The following C14orf39 variants were observed in gnomAD, a reference collection of about 807,000 sequenced individuals.
C14orf39 encodes the protein chromosome 14 open reading frame 39.
In C14orf39, 66 loss-of-function variants were observed where a neutral mutation model predicts 85.6. That is an observed-to-expected ratio of 0.77 (90% CI 0.63 to 0.95). C14orf39 has a LOEUF of 0.95. Among genes scored for constraint, C14orf39 ranks in the 40% least tolerant of loss-of-function variants. C14orf39 has a pLI of 0.00. For missense variants in C14orf39, 735 were observed against 663.9 expected, an observed-to-expected ratio of 1.11 and a Z score of -1.18; for synonymous variants, 242 against 214.0, an observed-to-expected ratio of 1.13 and a Z score of -1.14.
In C14orf39 at chr14:60,466,014, T is replaced by C; in HGVS notation, c.937A>G (p.Asn313Asp). ...ESSAKQSKLA[N>D]IDFRQKENDT... ...TTTTCTTTTTGTCTAAAGTCAATATTGGCAAGCTTTGACTGCTTCGCAGAA... is the reference window on the plus strand; with the variant it reads ...TTTTCTTTTTGTCTAAAGTCAATATCGGCAAGCTTTGACTGCTTCGCAGAA... Residue 313 changes from asparagine (N) to aspartate (D), a missense_variant, in exon 11 of 18, where the codon AAT becomes GAT. Asn to Asp is a conservative substitution (Grantham distance 23). Transcript: ENST00000321731. 3 of 1,568,026 alleles carry C rather than the reference T, an allele frequency of 1.9e-6. No individual in the cohort carries two copies. The East Asian group carries it at 7.0e-5, about 37-fold the overall frequency.
At chr14:60,496,301 C>T in intron 2 of C14orf39, 2 of 366,736 alleles carry the variant, frequency 5.5e-6, no homozygotes, top group South Asian at 2.2e-5. Context: ...GTGCCAGCCA[C>T]AGAAGCTGAT....
At chr14:60,465,919 C>T in intron 11 of C14orf39, 60 bp downstream of exon 11, 1 of 842,264 alleles carries the variant, frequency 1.2e-6, no homozygotes, top group Non-Finnish European at 1.8e-6. Flanking sequence ...GCAGTACATT[C>T]ATTATTACAT....
chr14:60,481,599 T>C (rs1320596291), intron 4 of C14orf39, among the ~76,000 whole-genome samples: 3 of 152,238 alleles, frequency 2.0e-5, no homozygotes, highest in Non-Finnish European at 4.4e-5. Flanking sequence ...CGAGTTGATA[T>C]TCTTATTTCT....
At chr14:60,451,278 T>C (rs1486734301) in intron 16 of C14orf39, among the ~76,000 whole-genome samples, 1 of 152,170 alleles carries the variant, frequency 6.6e-6, no homozygotes, top group Admixed American at 6.5e-5. Context: ...GAAGTCAGTG[T>C]GGTGATTCCT....
At chr14:60,487,860 A>G (rs556706203), upstream of C14orf39, among the ~76,000 whole-genome samples, 10 of 152,182 alleles carry the variant, frequency 6.6e-5, no homozygotes, top group African/African-American at 2.4e-4. Context: ...GCATTTCGCT[A>G]TGATTATTGA....
chr14:60,494,068 T>C (rs749788229), intron 2 of C14orf39: 21 of 276,894 alleles, frequency 7.6e-5, no homozygotes, highest in Non-Finnish European at 1.2e-4. Flanking sequence ...TCATTGTTCT[T>C]CATGGCAAGG....
chr14:60,507,695 C>T (rs1256941041), intron 1 of C14orf39, among the ~76,000 whole-genome samples: 1 of 152,170 alleles, frequency 6.6e-6, no homozygotes, highest in Non-Finnish European at 1.5e-5. Context: ...ACACCTCCAA[C>T]CATCTGTGCT....
At chr14:60,487,195 A>G (rs1180008296), upstream of C14orf39, among the ~76,000 whole-genome samples, 1 of 152,188 alleles carries the variant, frequency 6.6e-6, no homozygotes, top group Non-Finnish European at 1.5e-5. Flanking sequence ...TATAGTCACC[A>G]TGCTGTACAT....
intron 5 of C14orf39, among the ~76,000 whole-genome samples, chr14:60,471,959 T>A (rs928367169): frequency 3.9e-5 from 6 of 151,992 alleles, no homozygotes; most frequent in African/African-American, 1.4e-4. Context: ...CTTAATTCTA[T>A]TCATTTTAAC....
intron 16 of C14orf39, among the ~76,000 whole-genome samples, chr14:60,450,667 C>T (rs1890989296): frequency 6.6e-6 from 1 of 152,184 alleles, no homozygotes; most frequent in Non-Finnish European, 1.5e-5. Context: ...CTTCAGTGAA[C>T]ACAGCGGGTA....
chr14:60,503,262 T>C (rs1893167463), intron 1 of C14orf39, among the ~76,000 whole-genome samples: 2 of 152,150 alleles, frequency 1.3e-5, no homozygotes, highest in African/African-American at 4.8e-5. Context: ...CATTTTTGAT[T>C]CAAGGGTTTT....
intron 4 of C14orf39, among the ~76,000 whole-genome samples, chr14:60,480,518 G>GT (rs1391650232): frequency 1.3e-5 from 2 of 152,190 alleles, no homozygotes; most frequent in African/African-American, 4.8e-5. Context: ...GTGTAAACTA[G>GT]TACAGCTACT....
At chr14:60,446,953 C>G (rs922699980) in intron 16 of C14orf39, among the ~76,000 whole-genome samples, 3 of 151,968 alleles carry the variant, frequency 2.0e-5, no homozygotes, top group African/African-American at 4.8e-5. Flanking sequence ...AAAAACCACA[C>G]GATTATCTCA....
chr14:60,468,563 C>G, intron 8 of C14orf39, 27 bp from the exon 9 acceptor site: 1 of 1,336,052 alleles, frequency 7.5e-7, no homozygotes, highest in Non-Finnish European at 1.0e-6. Flanking sequence ...GAACACAAAA[C>G]AAAATAATTA....
At chr14:60,445,560 T>C (rs1437240383) in intron 16 of C14orf39, among the ~76,000 whole-genome samples, 1 of 152,150 alleles carries the variant, frequency 6.6e-6, no homozygotes, top group Non-Finnish European at 1.5e-5. Context: ...CCCAGATTCA[T>C]AAAGCAAGTC....
chr14:60,438,937 T>C (rs1009446117), intron 17 of C14orf39, among the ~76,000 whole-genome samples: 1 of 152,084 alleles, frequency 6.6e-6, no homozygotes, highest in African/African-American at 2.4e-5. Flanking sequence ...TTAATGAGTA[T>C]AAAAATACAG....
intron 5 of C14orf39, among the ~76,000 whole-genome samples, chr14:60,472,884 T>C (rs979478974): frequency 6.6e-6 from 1 of 152,214 alleles, no homozygotes; most frequent in Admixed American, 6.5e-5. Flanking sequence ...TGTGTCTTTA[T>C]AGCAGCATGA....
In C14orf39 at chr14:60,478,298, A is replaced by T; in HGVS notation, c.323+2T>A. The T allele has an allele frequency of 6.7e-7, 1 of 1,485,828 alleles. No homozygotes were observed. Among genetic ancestry groups the T allele is most frequent in the Non-Finnish European group, 9.2e-7 (1 of 1,090,858 alleles). 92.0% of individuals were successfully genotyped at this position (1,485,828 alleles called of 1,614,324 possible). A position where few individuals can be genotyped will look rare whatever the true frequency, so the allele number is the denominator to read the frequency against. The stretch of plus-strand genomic sequence containing the variant: ...TTGATAAACTTCATATAAGTACTAT[A>T]CTTGTCTTTTTCAACAGTTCCTTGA... On this transcript the variant is annotated splice_donor_variant, in intron 5 of 17. Transcript: ENST00000321731. LOFTEE classifies it high-confidence loss of function.
intron 5 of C14orf39, among the ~76,000 whole-genome samples, chr14:60,472,449 G>A (rs903420680): frequency 1.3e-4 from 19 of 151,996 alleles, no homozygotes; most frequent in Middle Eastern, 3.4e-3. Flanking sequence ...TGTGCACAAC[G>A]TGCAGGTTTG....
Sources: allele counts gnomAD v4.1 joint callset (sites outside exome capture counted in the v4.1 genomes callset), GRCh38; gene constraint gnomAD v4.1.1; transcripts MANE v1.5; gene names NCBI Gene and HGNC (gene_info 2026-07-23, HGNC 2026-07-21).